Variants in WDR72 observed in about 807,000 individuals in gnomAD.
WDR72 encodes the protein WD repeat domain 72, also known as WD repeat-containing protein 72.
Under a neutral mutation model 124.2 loss-of-function variants are expected in WDR72, and 120 were observed. The ratio of observed to expected loss-of-function variants is 0.97; its 90% CI spans 0.83 to 1.12. The LOEUF (loss-of-function observed/expected upper bound fraction) is 1.12. Ranked by LOEUF, WDR72 falls within the 50% of genes most tolerant of loss-of-function variation. WDR72 has a pLI of 0.00. For missense variants in WDR72, 1,387 were observed against 1,278.8 expected (o/e 1.08, Z -1.29); for synonymous variants, 452 against 441.7 (o/e 1.02, Z -0.29).
At chr15:53,647,546 T>C (rs1187916170) in intron 14 of WDR72, among the ~76,000 whole-genome samples, 2 of 151,982 alleles carry the variant, frequency 1.3e-5, no homozygotes, top group African/African-American at 2.4e-5. Context: ...ATCATTAGTA[T>C]TTTTTTCCTC....
chr15:53,722,919 T>G lies in WDR72; in HGVS notation c.154-11A>C. On this transcript the variant is annotated splice_polypyrimidine_tract_variant and intron_variant, in intron 2 of 19. Coordinates refer to ENST00000360509, the MANE Select transcript of WDR72 (RefSeq NM_182758.4). ...TTCTTTCGCTGAAATCTGAAAATAA[T>G]GAGAGTGAGCTTTTAAATAATTGTA... The G allele has an allele frequency of 6.2e-7, 1 of 1,607,864 alleles. No homozygotes were observed. The highest frequency in any genetic ancestry group is 8.5e-7 in the Non-Finnish European group (1 of 1,174,386).
At chr15:53,602,731 C>G (rs2013099891) in intron 17 of WDR72, among the ~76,000 whole-genome samples, 1 of 151,908 alleles carries the variant, frequency 6.6e-6, no homozygotes, top group South Asian at 2.1e-4. Context: ...CCTAGAAAAT[C>G]TGGAAGAAAT....
chr15:53,623,822 T>C (rs940776942), intron 14 of WDR72, among the ~76,000 whole-genome samples: 3 of 152,114 alleles, frequency 2.0e-5, no homozygotes, highest in African/African-American at 7.2e-5. Context: ...AAGTATTCCC[T>C]GTTTTCTGTG....
chr15:53,686,320 C>T (rs2016622238), intron 13 of WDR72, among the ~76,000 whole-genome samples: 1 of 152,114 alleles, frequency 6.6e-6, no homozygotes. Flanking sequence ...AGACCCATCT[C>T]ACGTGCAGAG....
intron 19 of WDR72, 97 bp from the exon 20 acceptor site, chr15:53,517,851 A>G: frequency 8.8e-7 from 1 of 1,138,514 alleles, no homozygotes; most frequent in Non-Finnish European, 1.3e-6. Context: ...GAAATGAAGA[A>G]TAGATACAGA....
At chr15:53,750,152 G>C (rs1020559675) in intron 1 of WDR72, among the ~76,000 whole-genome samples, 1 of 152,120 alleles carries the variant, frequency 6.6e-6, no homozygotes, top group East Asian at 1.9e-4. Context: ...AGCTAGAATG[G>C]AGAAGTCAAT....
At chr15:53,529,220 T>C (rs1392286756) in intron 18 of WDR72, among the ~76,000 whole-genome samples, 1 of 148,788 alleles carries the variant, frequency 6.7e-6, no homozygotes, top group Non-Finnish European at 1.5e-5. Flanking sequence ...GGTGAACTTA[T>C]GAGTTCCCAG....
At chr15:53,686,845 A>G (rs1195979237) in intron 13 of WDR72, among the ~76,000 whole-genome samples, 7 of 151,662 alleles carry the variant, frequency 4.6e-5, no homozygotes, top group Admixed American at 3.3e-4. Context: ...AAAGAACAGA[A>G]ATTATAACAA....
intron 18 of WDR72, 91 bp downstream of exon 18, chr15:53,596,988 G>A (rs909402217): frequency 5.5e-6 from 7 of 1,269,336 alleles, no homozygotes; most frequent in Admixed American, 1.7e-5. Flanking sequence ...TGATATAATC[G>A]AAAATCGTTC....
intron 18 of WDR72, among the ~76,000 whole-genome samples, chr15:53,563,862 GA>G (rs1297646410): frequency 2.6e-5 from 4 of 151,730 alleles, no homozygotes; most frequent in African/African-American, 7.3e-5. Flanking sequence ...TCCCTGGTCT[GA>G]AACATACAGT....
chr15:53,649,261 G>A (rs139022427), intron 14 of WDR72, among the ~76,000 whole-genome samples: 2 of 152,196 alleles, frequency 1.3e-5, no homozygotes, highest in East Asian at 3.9e-4. Context: ...ACGCAGAGTT[G>A]AGTAGGTGTA....
intron 17 of WDR72, among the ~76,000 whole-genome samples, chr15:53,604,636 A>G (rs1478877321): frequency 6.6e-6 from 1 of 152,008 alleles, no homozygotes; most frequent in East Asian, 1.9e-4. Flanking sequence ...AATTTACAAG[A>G]AAAAAAACTC....
At chr15:53,636,046 T>A (rs1339212371) in intron 14 of WDR72, among the ~76,000 whole-genome samples, 2 of 152,178 alleles carry the variant, frequency 1.3e-5, no homozygotes, top group Non-Finnish European at 2.9e-5. Context: ...CTTGCTAATT[T>A]TTCTTTTATT....
intron 14 of WDR72, among the ~76,000 whole-genome samples, chr15:53,639,097 C>T (rs1319537473): frequency 6.6e-6 from 1 of 152,140 alleles, no homozygotes. Context: ...TCTACCAGTC[C>T]ACCAATCTTA....
intron 1 of WDR72, among the ~76,000 whole-genome samples, chr15:53,758,400 TA>T (rs949456913): frequency 5.3e-5 from 8 of 152,148 alleles, no homozygotes; most frequent in Admixed American, 2.0e-4. Flanking sequence ...ATTTTTAGGT[TA>T]AAAAAATCAC....
chr15:53,553,299 T>G (rs2140282698), intron 18 of WDR72, among the ~76,000 whole-genome samples: 1 of 152,240 alleles, frequency 6.6e-6, no homozygotes, highest in South Asian at 2.1e-4. Context: ...ATGACCCAAA[T>G]CTGGCAGGGT....
chr15:53,620,495 ATACT>A (rs541466251), intron 14 of WDR72, among the ~76,000 whole-genome samples: 26 of 152,180 alleles, frequency 1.7e-4, no homozygotes, highest in African/African-American at 5.1e-4. Flanking sequence ...ATAAACCTAA[ATACT>A]TACAGCCAAC....
At chr15:53,650,234 A>G (rs1005188265) in intron 14 of WDR72, among the ~76,000 whole-genome samples, 9 of 152,200 alleles carry the variant, frequency 5.9e-5, no homozygotes, top group Admixed American at 5.9e-4. Context: ...TATCTGAAAT[A>G]GTCAAATTCA....
At chr15:53,533,214 T>A (rs1036941718) in intron 18 of WDR72, among the ~76,000 whole-genome samples, 1 of 152,074 alleles carries the variant, frequency 6.6e-6, no homozygotes, top group Non-Finnish European at 1.5e-5. Context: ...TGGGAGGAAG[T>A]AATGGGGAGG....
Sources: gnomAD v4.1 joint callset for allele counts (sites outside exome capture counted in the v4.1 genomes callset) on GRCh38, gnomAD v4.1.1 for gene constraint, MANE v1.5 for transcripts, NCBI Gene and HGNC (gene_info 2026-07-23, HGNC 2026-07-21) for gene names.